The following PRKCZ variants were observed in gnomAD, a reference collection of about 807,000 sequenced individuals.
The protein encoded by PRKCZ is protein kinase C zeta type.
A neutral mutation model predicts 79.5 loss-of-function variants in PRKCZ; 33 were observed. The observed-to-expected ratio is 0.41, with a 90% CI of 0.31 to 0.55. The LOEUF is 0.55. Among genes scored for constraint, PRKCZ ranks in the 20% least tolerant of loss-of-function variants. The pLI is 0.19. For missense variants in PRKCZ, 578 were observed against 813.5 expected (o/e 0.71, Z 3.52); for synonymous variants, 342 against 320.9 (o/e 1.07, Z -0.70).
chr1:2,151,034 T>G (rs1247173307), intron 9 of PRKCZ, 56 bp downstream of exon 9: 1 of 1,578,956 alleles, frequency 6.3e-7, no homozygotes, highest in Non-Finnish European at 8.6e-7. Flanking sequence ...CCCTGGGGCC[T>G]CCTCCGGGCT....
chr1:2,139,598 CA>C (rs1001573162), intron 5 of PRKCZ, among the ~76,000 whole-genome samples: 6 of 152,024 alleles, frequency 3.9e-5, no homozygotes, highest in Non-Finnish European at 5.9e-5. Context: ...CAAAACAACA[CA>C]AAACAAAAAC....
At chr1:2,119,792 T>TC (rs973778362) in intron 4 of PRKCZ, among the ~76,000 whole-genome samples, 3 of 150,478 alleles carry the variant, frequency 2.0e-5, no homozygotes, top group South Asian at 2.1e-4. Context: ...TTCTTTTCTT[T>TC]TTTTTTTTTT....
At chr1:2,175,857 G>A (rs1006504977) in intron 16 of PRKCZ, among the ~76,000 whole-genome samples, 24 of 152,224 alleles carry the variant, frequency 1.6e-4, no homozygotes, top group African/African-American at 4.8e-4. Context: ...GCTTGGTGCC[G>A]CCAGGAGCTA....
chr1:2,127,130 T>G lies in PRKCZ; in HGVS notation c.335-8132T>G, dbSNP rs907345634. Reference sequence around the variant, plus strand: ...GGGAAGGGGGAGGTTGTTGCCTCAGTGGGAGCCTGGGCTGTGGCTGCCAGT... The same window carrying G: ...GGGAAGGGGGAGGTTGTTGCCTCAGGGGGAGCCTGGGCTGTGGCTGCCAGT... On this transcript the variant is annotated intron_variant, in intron 4 of 17. Coordinates refer to ENST00000378567, the MANE Select transcript of PRKCZ (RefSeq NM_002744.6). The surrounding 1 kb of genome is among the most constrained non-coding windows in gnomAD (Gnocchi z 5.1). Among the ~76,000 whole-genome samples, 3 of 152,190 alleles carry G rather than the reference T, an allele frequency of 2.0e-5. No homozygotes were observed. The highest frequency in any genetic ancestry group is 4.4e-5 in the Non-Finnish European group (3 of 68,030).
chr1:2,059,732 G>A (rs550643943), intron 4 of PRKCZ, 141 bp downstream of exon 4: 56 of 1,107,012 alleles, frequency 5.1e-5, no homozygotes, highest in Non-Finnish European at 6.4e-5. Flanking sequence ...CGTGGTGACC[G>A]CAGGTGGGGT....
intron 4 of PRKCZ, among the ~76,000 whole-genome samples, chr1:2,088,051 C>T (rs1469539274): frequency 6.6e-6 from 1 of 152,206 alleles, no homozygotes; most frequent in African/African-American, 2.4e-5. Flanking sequence ...TCCTGAATAG[C>T]GGCTTTCTCT....
At chr1:2,164,425 G>A (rs935784754) in intron 10 of PRKCZ, among the ~76,000 whole-genome samples, 1 of 152,240 alleles carries the variant, frequency 6.6e-6, no homozygotes, top group African/African-American at 2.4e-5. Flanking sequence ...GGACTCTGCA[G>A]TGTGGCTGCA....
chr1:2,087,853 G>C (rs746588724), intron 4 of PRKCZ, among the ~76,000 whole-genome samples: 1 of 152,206 alleles, frequency 6.6e-6, no homozygotes, highest in Non-Finnish European at 1.5e-5. Flanking sequence ...CGTCTGGCCT[G>C]TCCGGGCACC....
intron 4 of PRKCZ, among the ~76,000 whole-genome samples, chr1:2,107,408 A>G (rs574703644): frequency 6.6e-6 from 1 of 152,252 alleles, no homozygotes; most frequent in African/African-American, 2.4e-5. Context: ...CCACGGCCGC[A>G]CACACTCCCG....
At chr1:2,085,919 T>C (rs2102432513) in intron 4 of PRKCZ, among the ~76,000 whole-genome samples, 1 of 152,270 alleles carries the variant, frequency 6.6e-6, no homozygotes, top group African/African-American at 2.4e-5. Flanking sequence ...ACTTCTCTCT[T>C]TCTCTCGCTC....
rs540274645 is a variant in PRKCZ at position 2,076,125 on chromosome 1, AG to A, written c.334+16539del. Among the ~76,000 whole-genome samples the A allele has an allele frequency of 2.3e-3, 355 of 152,262 alleles. 2 individuals carry two copies. The highest frequency in any genetic ancestry group is 7.2e-3 in the African/African-American group (300 of 41,552). ...AATGGGCTGTTTGGGGCCGGGGCTG[AG>A]GGGGTGCCCAGTGCCATCGAGGGGA... On this transcript the variant is annotated intron_variant, in intron 4 of 17. Coordinates refer to ENST00000378567, the MANE Select transcript of PRKCZ (RefSeq NM_002744.6).
intron 10 of PRKCZ, among the ~76,000 whole-genome samples, chr1:2,167,487 G>A (rs1042410212): frequency 3.3e-5 from 5 of 152,194 alleles, no homozygotes; most frequent in African/African-American, 1.2e-4. Flanking sequence ...CTGTTGGGGT[G>A]AACGTGGCTC....
chr1:2,120,729 G>C (rs1671719562), intron 4 of PRKCZ, among the ~76,000 whole-genome samples: 1 of 151,780 alleles, frequency 6.6e-6, no homozygotes, highest in Non-Finnish European at 1.5e-5. Context: ...CTTCAATGTG[G>C]ATTTTTTTCT....
chr1:2,096,759 G>C (rs1433461124), intron 4 of PRKCZ, among the ~76,000 whole-genome samples: 1 of 152,174 alleles, frequency 6.6e-6, no homozygotes, highest in Non-Finnish European at 1.5e-5. Flanking sequence ...CCAGATTCCT[G>C]AGTTTTCCTC....
At chr1:2,063,393 G>A (rs1232931632) in intron 4 of PRKCZ, among the ~76,000 whole-genome samples, 3 of 151,928 alleles carry the variant, frequency 2.0e-5, no homozygotes, top group Admixed American at 2.0e-4. Context: ...GCTCACTGCA[G>A]CCTCCATCTC....
intron 4 of PRKCZ, among the ~76,000 whole-genome samples, chr1:2,063,011 G>A (rs1452783443): frequency 6.6e-6 from 1 of 152,076 alleles, no homozygotes; most frequent in Non-Finnish European, 1.5e-5. Flanking sequence ...CCTCCTGTGA[G>A]TGGAATCGCA....
rs976080477 is a variant in PRKCZ at position 2,059,647 on chromosome 1, T to A, written c.334+56T>A. On this transcript the variant is annotated intron_variant, in intron 4 of 17. Transcript: ENST00000378567. ...GCATGTTACGGGGTTGAACTGTTGA[T>A]CCGTTGTGCCACGGAGGTGGCAGTG... is the stretch of plus-strand genomic sequence containing the variant. The A allele has an allele frequency of 2.5e-6, 4 of 1,605,632 alleles. No homozygotes were observed. In the African/African-American group the frequency reaches 5.4e-5, roughly 21 times the overall value.
intron 4 of PRKCZ, among the ~76,000 whole-genome samples, chr1:2,098,112 G>GGTGACCAGGAGTGACTAAC (rs1169084671): frequency 2.6e-5 from 4 of 152,136 alleles, no homozygotes; most frequent in Non-Finnish European, 5.9e-5. Flanking sequence ...GGTCAGAGCA[G>GGTGACCAGGAGTGACTAAC]GTGACCAGGG....
chr1:2,148,340 ATCCACTG>A (rs1354940370), intron 7 of PRKCZ, among the ~76,000 whole-genome samples: 2 of 150,622 alleles, frequency 1.3e-5, no homozygotes, highest in Admixed American at 6.6e-5. Flanking sequence ...CCATCTGTCC[ATCCACTG>A]TCCACTGACC....
Sources: gnomAD v4.1 joint callset for allele counts (sites outside exome capture counted in the v4.1 genomes callset) on GRCh38, gnomAD v4.1.1 for gene constraint, Gnocchi (gnomAD v3.1) non-coding constraint, MANE v1.5 for transcripts, NCBI Gene and HGNC (gene_info 2026-07-23, HGNC 2026-07-21) for gene names.